Variants in IGDCC3 observed in about 807,000 individuals in gnomAD.
The protein encoded by IGDCC3 is putative neuronal cell adhesion molecule.
A neutral mutation model predicts 72.0 loss-of-function variants in IGDCC3; 47 were observed. The ratio of observed to expected loss-of-function variants is 0.65; its 90% CI spans 0.52 to 0.83. The LOEUF is 0.83. IGDCC3 is among the 40% of genes least tolerant of loss of function. IGDCC3 has a pLI of 0.00. For missense variants in IGDCC3, 1,038 were observed against 1,091.3 expected (o/e 0.95, Z 0.69); for synonymous variants, 477 against 472.8 (o/e 1.01, Z -0.11).
At chr15:65,357,464 A>T (rs2091231739) in intron 2 of IGDCC3, among the ~76,000 whole-genome samples, 1 of 152,256 alleles carries the variant, frequency 6.6e-6, no homozygotes, top group Non-Finnish European at 1.5e-5. Context: ...TAATTCGATT[A>T]TAAGCATTTT....
intron 2 of IGDCC3, among the ~76,000 whole-genome samples, chr15:65,360,414 T>A (rs1440944295): frequency 6.6e-6 from 1 of 152,092 alleles, no homozygotes; most frequent in African/African-American, 2.4e-5. Context: ...GATAATGGAG[T>A]CAAGAATATT....
chr15:65,335,823 C>T lies in IGDCC3; in HGVS notation c.543G>A (p.Thr181=), dbSNP rs149026166. ...TWEKNRVPID[T]DNERYTLLPK... The stretch of plus-strand genomic sequence containing the variant: ...CACACGTGGCTCACCTCTCATTGTC[C>T]GTGTCAATTGGGACTCTGTTCTTCT... The change falls in exon 3 of 14, where the codon ACG becomes ACA. Residue 181 remains threonine (T), a synonymous_variant. Transcript: ENST00000327987. The T allele has an allele frequency of 5.9e-4, 950 of 1,614,156 alleles. 5 individuals are homozygous for T. Among genetic ancestry groups the T allele is most frequent in the South Asian group, 4.0e-3 (366 of 91,070 alleles).
chr15:65,354,080 A>G (rs1054818843), intron 2 of IGDCC3, among the ~76,000 whole-genome samples: 2 of 152,072 alleles, frequency 1.3e-5, no homozygotes, highest in Non-Finnish European at 2.9e-5. Context: ...AAATTTTTGT[A>G]TTTTGAGTAG....
At chr15:65,333,937 T>A (rs1336200133) in intron 5 of IGDCC3, among the ~76,000 whole-genome samples, 2 of 152,098 alleles carry the variant, frequency 1.3e-5, no homozygotes, top group East Asian at 3.9e-4. Context: ...TAGAGGTTCC[T>A]CCTGATGGTG....
At chr15:65,344,647 G>A (rs79849793) in intron 2 of IGDCC3, among the ~76,000 whole-genome samples, 4,342 of 152,290 alleles carry the variant, frequency 0.029, 88 homozygotes, top group African/African-American at 0.057. Flanking sequence ...GGCTGCAGGG[G>A]AGGCAAACAG....
chr15:65,355,528 G>T (rs903748631), intron 2 of IGDCC3, among the ~76,000 whole-genome samples: 1 of 149,698 alleles, frequency 6.7e-6, no homozygotes, highest in Non-Finnish European at 1.5e-5. Flanking sequence ...CGGAGGACGC[G>T]GCGGGCCCCT....
At chr15:65,353,612 C>A (rs900096401) in intron 2 of IGDCC3, among the ~76,000 whole-genome samples, 2 of 152,128 alleles carry the variant, frequency 1.3e-5, no homozygotes, top group African/African-American at 4.8e-5. Flanking sequence ...GCACAAAATA[C>A]AGGTCATAAA....
intron 2 of IGDCC3, among the ~76,000 whole-genome samples, chr15:65,367,621 C>T (rs1232055824): frequency 4.6e-5 from 7 of 152,090 alleles, no homozygotes; most frequent in Admixed American, 3.3e-4. Context: ...TGTAAGGCCT[C>T]CCGCCACCCG....
At chr15:65,361,725 C>CAGGCACA (rs1491341851) in intron 2 of IGDCC3, among the ~76,000 whole-genome samples, 1 of 151,268 alleles carries the variant, frequency 6.6e-6, no homozygotes, top group African/African-American at 2.4e-5. Flanking sequence ...CACAGACACA[C>CAGGCACA]TCGGGCACAC....
Position 65,330,403 on chromosome 15 carries a change from G to GGAA in IGDCC3, c.1754-9_1754-7dup, listed in dbSNP as rs762281463. 27 of 1,609,758 alleles carry GGAA rather than the reference G, an allele frequency of 1.7e-5. No homozygotes were observed. In the East Asian group the frequency reaches 5.6e-4, roughly 33 times the overall value. On this transcript the variant is annotated splice_region_variant and splice_polypyrimidine_tract_variant and intron_variant, in intron 10 of 13. Coordinates refer to ENST00000327987, the MANE Select transcript of IGDCC3 (RefSeq NM_004884.4). The stretch of plus-strand genomic sequence containing the variant: ...CTCATACACTGCAGTGGGGTCTGGA[G>GGAA]GAAGGCAGGGCGGATGAGCAACTGC...
chr15:65,377,737 G>T lies in IGDCC3; in HGVS notation c.52C>A (p.Pro18Thr). The stretch of plus-strand genomic sequence containing the variant: ...AACAGCAGCGGCAGCAGGAGCCGGG[G>T]CCAGAGCGGGGCGGGCGGGCGGCGC... ...SPRRPPAPLW[P>T]RLLLPLLLLL... Residue 18 changes from proline to threonine, a missense_variant, in exon 1 of 14, where the codon CCC (proline) becomes ACC (threonine). Transcript: ENST00000327987. The surrounding 1 kb of genome is among the most constrained non-coding windows in gnomAD (Gnocchi z 4.9). The T allele has an allele frequency of 7.4e-7, 1 of 1,344,150 alleles. No homozygotes were observed. 83.3% of individuals were successfully genotyped at this position (1,344,150 alleles called of 1,614,324 possible).
At chr15:65,341,261 C>G (rs1375449927) in intron 2 of IGDCC3, among the ~76,000 whole-genome samples, 1 of 152,084 alleles carries the variant, frequency 6.6e-6, no homozygotes, top group African/African-American at 2.4e-5. Context: ...AAATCAAAAC[C>G]CTTGTGCAAT....
intron 2 of IGDCC3, among the ~76,000 whole-genome samples, chr15:65,358,171 T>C (rs1220054826): frequency 6.6e-6 from 1 of 151,766 alleles, no homozygotes; most frequent in Non-Finnish European, 1.5e-5. Context: ...GGTGGCGTGA[T>C]TTCAGCTCAC....
chr15:65,363,203 A>G (rs2140165930), intron 2 of IGDCC3, among the ~76,000 whole-genome samples: 1 of 152,226 alleles, frequency 6.6e-6, no homozygotes, highest in Admixed American at 6.5e-5. Context: ...TCGCCCCACA[A>G]AAGCCCACAG....
rs1382095048 is a variant in IGDCC3 at position 65,331,446 on chromosome 15, G to A, written c.1362C>T (p.Ile454=). ...WSEPLANTKE[I]IGYVLHIRKA... is the part of the protein sequence containing the mutation. ...TCCTGATGTGCAGGACGTAGCCGAT[G>A]ATCTCCTTGGTGTTGGCCAGCGGCT... is the stretch of plus-strand genomic sequence containing the variant. Residue 454 remains isoleucine, a synonymous_variant, in exon 8 of 14, where the codon ATC becomes ATT. Transcript: ENST00000327987. 2 of 1,611,500 alleles carry A rather than the reference G, an allele frequency of 1.2e-6. No homozygotes were observed. The highest frequency in any genetic ancestry group is 2.2e-5 in the East Asian group (1 of 44,796).
Position 65,329,554 on chromosome 15 carries a change from G to A in IGDCC3, c.2041C>T (p.Gln681Ter). 4 of 1,611,604 alleles carry A rather than the reference G, an allele frequency of 2.5e-6. No homozygotes were observed. Among genetic ancestry groups the A allele is most frequent in the Non-Finnish European group, 3.4e-6 (4 of 1,179,382 alleles). Residue 681 changes from glutamine (Q) to a stop codon, truncating the protein, a stop_gained, in exon 13 of 14, where the codon CAG becomes TAG. Coordinates refer to ENST00000327987, the MANE Select transcript of IGDCC3 (RefSeq NM_004884.4). LOFTEE classifies it high-confidence loss of function. This position sits in a 1 kb window ranked among gnomAD's most constrained non-coding sequence, Gnocchi z 4.1. ...GGGTCCCTCTGGCTCCGGGGACCCT[G>A]TGGAGGGGACAGCTGGTTTTCCACA... ...KDVENQLSPP[Q>*]GPRSQRDPGI...
chr15:65,330,178 C>G, intron 11 of IGDCC3, 115 bp downstream of exon 11: 1 of 818,170 alleles, frequency 1.2e-6, no homozygotes, highest in Admixed American at 2.2e-5. Context: ...TGTGCATGGC[C>G]AAGCTTCAAA....
intron 2 of IGDCC3, among the ~76,000 whole-genome samples, chr15:65,357,912 CA>C (rs1431361622): frequency 6.6e-6 from 1 of 152,016 alleles, no homozygotes; most frequent in African/African-American, 2.4e-5. Flanking sequence ...AACTCCAAAA[CA>C]AAACAAAACA....
chr15:65,372,362 C>G (rs954994393), intron 2 of IGDCC3, among the ~76,000 whole-genome samples: 11 of 152,144 alleles, frequency 7.2e-5, no homozygotes, highest in Non-Finnish European at 1.3e-4. Flanking sequence ...AATGCAGAGT[C>G]TAGGGCTCCT....
Sources: allele counts gnomAD v4.1 joint callset (sites outside exome capture counted in the v4.1 genomes callset), GRCh38; gene constraint gnomAD v4.1.1; non-coding constraint Gnocchi (gnomAD v3.1); transcripts MANE v1.5; gene names NCBI Gene and HGNC (gene_info 2026-07-23, HGNC 2026-07-21).